Variants in PRUNE2 observed in about 807,000 individuals in gnomAD.
PRUNE2 encodes the protein prune homolog 2 with BCH domain.
PRUNE2 carries 164 observed loss-of-function variants against 252.0 expected under a neutral mutation model. The ratio of observed to expected loss-of-function variants is 0.65; its 90% CI spans 0.57 to 0.74. The LOEUF is 0.74. Among genes scored for constraint, PRUNE2 ranks in the 30% least tolerant of loss-of-function variants. The pLI is 0.00. For missense variants in PRUNE2, 3,495 were observed against 3,711.0 expected, an observed-to-expected ratio of 0.94 and a Z score of 1.51; for synonymous variants, 1,292 against 1,350.2, an observed-to-expected ratio of 0.96 and a Z score of 0.94.
chr9:76,716,685 A>C (rs1275816932), intron 6 of PRUNE2, among the ~76,000 whole-genome samples: 1 of 151,682 alleles, frequency 6.6e-6, no homozygotes, highest in African/African-American at 2.4e-5. Flanking sequence ...ATTTAATTTA[A>C]TTTTTAAAAT....
chr9:76,631,792 A>G (rs1837734264), intron 15 of PRUNE2, among the ~76,000 whole-genome samples: 1 of 152,182 alleles, frequency 6.6e-6, no homozygotes, highest in African/African-American at 2.4e-5. Flanking sequence ...ATAGTACCTG[A>G]TAGGTAGTTT....
At chr9:76,846,236 C>T (rs2059663406) in intron 4 of PRUNE2, among the ~76,000 whole-genome samples, 1 of 152,184 alleles carries the variant, frequency 6.6e-6, no homozygotes, top group Admixed American at 6.5e-5. Flanking sequence ...GCCAGAGGTG[C>T]TATTCCAGCT....
chr9:76,798,136 TA>T (rs59647769), intron 6 of PRUNE2, among the ~76,000 whole-genome samples: 54,351 of 152,016 alleles, frequency 0.36, 10,134 homozygotes, highest in East Asian at 0.54. Flanking sequence ...TAATTGTAGT[TA>T]AAAAAACATA....
chr9:76,660,573 G>C (rs1327076198), intron 9 of PRUNE2, among the ~76,000 whole-genome samples: 1 of 152,012 alleles, frequency 6.6e-6, no homozygotes, highest in African/African-American at 2.4e-5. Context: ...CATGAGGTCA[G>C]GAGTTCAAGA....
chr9:76,816,044 C>T (rs1377415593), intron 6 of PRUNE2, among the ~76,000 whole-genome samples: 1 of 151,784 alleles, frequency 6.6e-6, no homozygotes, highest in African/African-American at 2.4e-5. Context: ...CACCTGTAAT[C>T]CCAGCTACTC....
chr9:76,676,203 G>A (rs956762559), intron 9 of PRUNE2, among the ~76,000 whole-genome samples: 5 of 149,252 alleles, frequency 3.4e-5, no homozygotes, highest in Admixed American at 2.0e-4. Context: ...AGATGGCTTT[G>A]AATATGGCCC....
intron 6 of PRUNE2, among the ~76,000 whole-genome samples, chr9:76,774,093 T>C (rs1479195715): frequency 5.9e-5 from 9 of 152,028 alleles, no homozygotes; most frequent in Non-Finnish European, 1.0e-4. Flanking sequence ...TTGGGCAGAG[T>C]AGAGGGAAAA....
intron 1 of PRUNE2, among the ~76,000 whole-genome samples, chr9:76,864,795 G>A (rs2060746353): frequency 6.6e-6 from 1 of 152,184 alleles, no homozygotes; most frequent in African/African-American, 2.4e-5. Context: ...AGTAGTCATG[G>A]AAATGCAAAT....
chr9:76,798,467 C>T (rs1032895099), intron 6 of PRUNE2, among the ~76,000 whole-genome samples: 18 of 152,174 alleles, frequency 1.2e-4, no homozygotes, highest in African/African-American at 3.9e-4. Flanking sequence ...GTCAGAATTT[C>T]CTTCCTATTT....
In PRUNE2 at chr9:76,655,201, A is replaced by G. The variant is rs147245724; in HGVS notation, c.8356+222T>C. ...ACATTGGCAGATAAGGCTGTGGTCT[A>G]GGAGATAAAATGCAGCCCACACTAG... On this transcript the variant is annotated intron_variant, in intron 10 of 18. Transcript: ENST00000376718. Among the ~76,000 whole-genome samples, 367 of 152,338 alleles carry G rather than the reference A, an allele frequency of 2.4e-3. 3 individuals carry two copies. The South Asian group carries it at 0.035, about 15-fold the overall frequency.
At chr9:76,869,085 C>T (rs1328528268) in intron 1 of PRUNE2, 1 of 152,178 alleles carries the variant, frequency 6.6e-6, no homozygotes, top group African/African-American at 2.4e-5. Context: ...GAAGACTTTT[C>T]CCAGAAGCTT....
At chr9:76,724,657 C>T (rs142674568) in intron 6 of PRUNE2, among the ~76,000 whole-genome samples, 1 of 152,176 alleles carries the variant, frequency 6.6e-6, no homozygotes, top group Non-Finnish European at 1.5e-5. Context: ...GGCACTCTTA[C>T]AAGCAGTTAA....
intron 6 of PRUNE2, among the ~76,000 whole-genome samples, chr9:76,757,709 T>C (rs12336618): frequency 0.012 from 1,860 of 152,186 alleles, 33 homozygotes; most frequent in African/African-American, 0.042. Context: ...TACCTGTAAC[T>C]CCAGCATTTT....
At chr9:76,836,818 G>A (rs2377810) in intron 4 of PRUNE2, among the ~76,000 whole-genome samples, 88,525 of 151,980 alleles carry the variant, frequency 0.58, 25,916 homozygotes, top group Middle Eastern at 0.64. Flanking sequence ...TCCTGCTAGG[G>A]CCCAAAGCAG....
intron 6 of PRUNE2, among the ~76,000 whole-genome samples, chr9:76,748,110 T>C (rs766090038): frequency 6.6e-6 from 1 of 152,162 alleles, no homozygotes; most frequent in African/African-American, 2.4e-5. Flanking sequence ...TCTCTTATAC[T>C]AGGAATTCTG....
chr9:76,723,995 G>A (rs940394905), intron 6 of PRUNE2, among the ~76,000 whole-genome samples: 1 of 150,832 alleles, frequency 6.6e-6, no homozygotes, highest in Non-Finnish European at 1.5e-5. Flanking sequence ...TTTTAGTAGA[G>A]ATGAGGTTTC....
chr9:76,699,371 T>C (rs1484752714), intron 9 of PRUNE2, among the ~76,000 whole-genome samples: 1 of 152,070 alleles, frequency 6.6e-6, no homozygotes, highest in African/African-American at 2.4e-5. Context: ...CCAGTTTAGA[T>C]GTTGTTGTAA....
intron 4 of PRUNE2, among the ~76,000 whole-genome samples, chr9:76,840,969 G>T (rs980053702): frequency 2.6e-5 from 4 of 151,292 alleles, no homozygotes; most frequent in African/African-American, 4.9e-5. Flanking sequence ...CAACAAGCGC[G>T]AGACTTCCTC....
At chr9:76,629,926 CTAT>C (rs1488960587) in intron 15 of PRUNE2, among the ~76,000 whole-genome samples, 1 of 152,164 alleles carries the variant, frequency 6.6e-6, no homozygotes, top group East Asian at 1.9e-4. Flanking sequence ...GAGGTAGACA[CTAT>C]TATTATCCTA....
Sources: gnomAD v4.1 joint callset for allele counts (sites outside exome capture counted in the v4.1 genomes callset) on GRCh38, gnomAD v4.1.1 for gene constraint, MANE v1.5 for transcripts, NCBI Gene and HGNC (gene_info 2026-07-23, HGNC 2026-07-21) for gene names.